PLCB1: variants seen among roughly 807,000 people sequenced by gnomAD.
PLCB1 encodes phospholipase C beta 1, also known as 1-phosphatidylinositol 4,5-bisphosphate phosphodiesterase beta-1.
A neutral mutation model predicts 161.8 loss-of-function variants in PLCB1; 46 were observed. That is an observed-to-expected ratio of 0.28 (90% CI 0.22 to 0.36). The LOEUF (loss-of-function observed/expected upper bound fraction) is 0.36. Ranked by LOEUF, PLCB1 falls within the 10% of genes least tolerant of loss-of-function variation. PLCB1 has a pLI of 1.00. For missense variants in PLCB1, 1,016 were observed against 1,472.5 expected, an observed-to-expected ratio of 0.69 and a Z score of 5.07; for synonymous variants, 517 against 503.7, an observed-to-expected ratio of 1.03 and a Z score of -0.35.
chr20:8,348,519 T>G (rs776608424), intron 2 of PLCB1, among the ~76,000 whole-genome samples: 10 of 152,122 alleles, frequency 6.6e-5, no homozygotes, highest in Non-Finnish European at 1.2e-4. Context: ...CAATATGAAT[T>G]GTGTTGGAGC....
At chr20:8,537,983 C>T (rs189368965) in intron 3 of PLCB1, among the ~76,000 whole-genome samples, 5 of 152,224 alleles carry the variant, frequency 3.3e-5, no homozygotes, top group East Asian at 3.9e-4. Flanking sequence ...GTAAATGAAA[C>T]GGAACTCACT....
At position 8,649,163 on chromosome 20, in the gene PLCB1, A is replaced by G. The variant is rs148552547; in HGVS notation, c.519-211A>G. 1.0e-3 allele frequency among the ~76,000 whole-genome samples: 158 copies of G among 152,266 alleles called. 2 individuals carry two copies. The South Asian group carries it at 0.013, about 12-fold the overall frequency. ...TCAGCACCATAATCCTAAAATACTG[A>G]TTTTATACTAGACACCTTAATTTTA... is the stretch of plus-strand genomic sequence containing the variant. On this transcript the variant is annotated intron_variant, in intron 6 of 31. Transcript: ENST00000338037.
At chr20:8,360,150 G>T (rs954298073) in intron 2 of PLCB1, among the ~76,000 whole-genome samples, 1 of 152,200 alleles carries the variant, frequency 6.6e-6, no homozygotes, top group Non-Finnish European at 1.5e-5. Context: ...TACACCTCGA[G>T]TTGCTTCTCC....
At chr20:8,564,578 T>C (rs2123032633) in intron 3 of PLCB1, among the ~76,000 whole-genome samples, 1 of 152,162 alleles carries the variant, frequency 6.6e-6, no homozygotes, top group African/African-American at 2.4e-5. Flanking sequence ...ATTTTTGCAG[T>C]GTATCCACCT....
At chr20:8,273,453 T>C (rs1982381852) in intron 2 of PLCB1, among the ~76,000 whole-genome samples, 1 of 152,192 alleles carries the variant, frequency 6.6e-6, no homozygotes, top group African/African-American at 2.4e-5. Context: ...ATATACATCA[T>C]TTGGCAACAG....
intron 2 of PLCB1, among the ~76,000 whole-genome samples, chr20:8,241,140 A>C (rs1471600806): frequency 6.6e-6 from 1 of 152,036 alleles, no homozygotes; most frequent in Non-Finnish European, 1.5e-5. Context: ...TTATCAACAG[A>C]ATCATCTTTA....
chr20:8,728,937 C>A, intron 17 of PLCB1, 113 bp from the exon 18 acceptor site: 1 of 618,964 alleles, frequency 1.6e-6, no homozygotes, highest in Non-Finnish European at 2.5e-6. Flanking sequence ...CCAACGAGAT[C>A]ATCAATATTT....
rs376273690 is a variant in PLCB1 at position 8,212,176 on chromosome 20, AT to A, written c.177+61807del. Among the ~76,000 whole-genome samples, 562 of 152,196 alleles carry A rather than the reference AT, an allele frequency of 3.7e-3. 3 individuals carry two copies. Among genetic ancestry groups the A allele is most frequent in the African/African-American group, 0.013 (531 of 41,544 alleles). On this transcript the variant is annotated intron_variant, in intron 2 of 31. Transcript: ENST00000338037. ...TTTCTATGATTTTTATTGCAGTAAA[AT>A]TCAAGAATTGTCACAAGGGTGATTC...
At chr20:8,691,763 A>G (rs554017832) in intron 10 of PLCB1, among the ~76,000 whole-genome samples, 12 of 152,318 alleles carry the variant, frequency 7.9e-5, no homozygotes, top group South Asian at 6.2e-4. Flanking sequence ...TTGAATATCA[A>G]GATGCCCAGA....
intron 4 of PLCB1, among the ~76,000 whole-genome samples, chr20:8,644,551 C>T (rs1255885589): frequency 6.7e-6 from 1 of 149,252 alleles, no homozygotes; most frequent in Non-Finnish European, 1.5e-5. Flanking sequence ...AGGAGACCCT[C>T]CGCCCGGCAG....
chr20:8,650,314 C>A (rs1568546534), intron 7 of PLCB1, among the ~76,000 whole-genome samples: 1 of 152,106 alleles, frequency 6.6e-6, no homozygotes, highest in Non-Finnish European at 1.5e-5. Flanking sequence ...ATGTCCATGT[C>A]AGTTTACCAT....
chr20:8,217,889 C>T (rs556802363), intron 2 of PLCB1, among the ~76,000 whole-genome samples: 1 of 152,106 alleles, frequency 6.6e-6, no homozygotes, highest in Admixed American at 6.6e-5. Flanking sequence ...CTCTTTTGCC[C>T]TTCCACCTTC....
At chr20:8,424,015 T>G (rs1979643281) in intron 3 of PLCB1, among the ~76,000 whole-genome samples, 2 of 152,150 alleles carry the variant, frequency 1.3e-5, no homozygotes, top group Admixed American at 1.3e-4. Flanking sequence ...AAGACTGCCC[T>G]CTGGAAGAAC....
chr20:8,188,015 T>C (rs766597656), intron 2 of PLCB1, among the ~76,000 whole-genome samples: 3 of 152,080 alleles, frequency 2.0e-5, no homozygotes, highest in African/African-American at 4.8e-5. Context: ...AGCTCTCTCA[T>C]GCGTGGCTTG....
intron 3 of PLCB1, among the ~76,000 whole-genome samples, chr20:8,391,293 G>A (rs1987578417): frequency 6.6e-6 from 1 of 151,952 alleles, no homozygotes; most frequent in Admixed American, 6.6e-5. Flanking sequence ...TCTCTTTGCA[G>A]CCAAACACCT....
chr20:8,794,434 C>A (rs1340458694), intron 31 of PLCB1, among the ~76,000 whole-genome samples: 1 of 152,160 alleles, frequency 6.6e-6, no homozygotes, highest in East Asian at 1.9e-4. Flanking sequence ...TCAGCCGGTC[C>A]CTCCATATGG....
chr20:8,555,308 T>A (rs138893515), intron 3 of PLCB1, among the ~76,000 whole-genome samples: 2 of 152,164 alleles, frequency 1.3e-5, no homozygotes, highest in East Asian at 3.9e-4. Flanking sequence ...TGATACTAAG[T>A]CAATGATAGG....
chr20:8,391,814 T>TAC (rs1987609413), intron 3 of PLCB1, among the ~76,000 whole-genome samples: 1 of 136,436 alleles, frequency 7.3e-6, no homozygotes, highest in African/African-American at 2.9e-5. Flanking sequence ...TATATATATA[T>TAC]ATATATATAT....
In PLCB1 at chr20:8,239,361, G is replaced by A. The variant is rs113881269; in HGVS notation, c.177+88990G>A. Reference sequence around the variant, plus strand: ...AGTAAGGACAGAAATGATGATTTAAGCCATCTTAGGCAAGGCAGTGCTAAC... The same window carrying A: ...AGTAAGGACAGAAATGATGATTTAAACCATCTTAGGCAAGGCAGTGCTAAC... On this transcript the variant is annotated intron_variant, in intron 2 of 31. Coordinates refer to ENST00000338037, the MANE Select transcript of PLCB1 (RefSeq NM_015192.4). Among the ~76,000 whole-genome samples, 1,234 of 152,032 alleles carry A rather than the reference G, an allele frequency of 8.1e-3. 12 individuals are homozygous for A. The highest frequency in any genetic ancestry group is 0.028 in the African/African-American group (1,170 of 41,508).
Sources: allele counts gnomAD v4.1 joint callset (sites outside exome capture counted in the v4.1 genomes callset), GRCh38; gene constraint gnomAD v4.1.1; transcripts MANE v1.5; gene names NCBI Gene and HGNC (gene_info 2026-07-23, HGNC 2026-07-21).